SESTD1: variants seen among roughly 807,000 people sequenced by gnomAD.
SESTD1 encodes SEC14 and spectrin domain containing 1.
SESTD1 carries 43 observed loss-of-function variants against 101.7 expected under a neutral mutation model. That is an observed-to-expected ratio of 0.42 (90% CI 0.33 to 0.55). The LOEUF is 0.55. Ranked by LOEUF, SESTD1 falls within the 20% of genes least tolerant of loss-of-function variation. SESTD1 has a pLI of 0.07. For synonymous variants in SESTD1, 283 were observed against 286.8 expected (o/e 0.99, Z 0.13); for missense variants, 647 against 815.1 (o/e 0.79, Z 2.51).
At chr2:179,209,877 G>A (rs1339365428) in intron 1 of SESTD1, among the ~76,000 whole-genome samples, 2 of 132,810 alleles carry the variant, frequency 1.5e-5, no homozygotes, top group East Asian at 4.0e-4. Flanking sequence ...AGAACTAAAT[G>A]AAACTGAAAC....
rs547559501 is a variant in SESTD1, at chr2:179,215,500, A to G, written c.-25-23634T>C. Among the ~76,000 whole-genome samples the G allele has an allele frequency of 9.8e-4, 131 of 133,396 alleles. 23 individuals are homozygous for G. In the Middle Eastern group the frequency reaches 0.013, roughly 13 times the overall value. The allele number at this position is 133,396 out of a possible 152,430, so 87.5% of individuals were successfully genotyped here. ...CTCTGAAATTGAGGCAATAATTAATACCCTACCAACCAAAAAAAAGTCCAG... is the reference window on the plus strand; with the variant it reads ...CTCTGAAATTGAGGCAATAATTAATGCCCTACCAACCAAAAAAAAGTCCAG... On this transcript the variant is annotated intron_variant, in intron 1 of 17. Transcript: ENST00000428443.
chr2:179,263,590 G>A (rs184717600), intron 1 of SESTD1, among the ~76,000 whole-genome samples: 1 of 152,202 alleles, frequency 6.6e-6, no homozygotes, highest in Admixed American at 6.5e-5. Context: ...TCAAACAGCT[G>A]CTATCTAGTT....
Position 179,101,921 on chromosome 2 carries a change from C to T in SESTD1, c.*7978G>A, listed in dbSNP as rs2044282766. 6.6e-6 allele frequency: 1 copy of T among 152,122 alleles called. No individual in the cohort carries two copies. Among genetic ancestry groups the T allele is most frequent in the African/African-American group, 2.4e-5 (1 of 41,442 alleles). 9.4% of individuals were successfully genotyped at this position (152,122 alleles called of 1,614,324 possible). A position where few individuals can be genotyped will look rare whatever the true frequency, so the allele number is the denominator to read the frequency against. On this transcript the variant is annotated 3_prime_UTR_variant, in exon 18 of 18. Transcript: ENST00000428443. The stretch of plus-strand genomic sequence containing the variant: ...CTCAAATGTACTTAACTTCATTGGA[C>T]AAGGTATAAGGCTTGCCAATTTCCA...
At chr2:179,251,612 T>C (rs542108929) in intron 1 of SESTD1, among the ~76,000 whole-genome samples, 6 of 152,312 alleles carry the variant, frequency 3.9e-5, no homozygotes, top group South Asian at 4.1e-4. Context: ...ATAGACTGAA[T>C]GTTTGTGTCC....
chr2:179,150,127 A>G (rs985144245), intron 6 of SESTD1, among the ~76,000 whole-genome samples: 1 of 152,154 alleles, frequency 6.6e-6, no homozygotes, highest in African/African-American at 2.4e-5. Context: ...TGAGAGGCTG[A>G]GGTGGAAGGA....
chr2:179,192,411 C>A (rs531051480), intron 1 of SESTD1, among the ~76,000 whole-genome samples: 1 of 152,226 alleles, frequency 6.6e-6, no homozygotes, highest in Non-Finnish European at 1.5e-5. Context: ...ACATCTTATC[C>A]TGTTTATCTC....
rs1284781947 is a variant in SESTD1, at chr2:179,160,064, C to T, written c.370-8673G>A. Among the ~76,000 whole-genome samples the T allele has an allele frequency of 2.0e-5, 3 of 152,192 alleles. No individual in the cohort carries two copies. In the East Asian group the frequency reaches 5.8e-4, roughly 29 times the overall value. ...TAAAGATGAGGTTTCACCATTTTGG[C>T]CAGGCTGGTCTTGAACTCCTGACTT... is the stretch of plus-strand genomic sequence containing the variant. On this transcript the variant is annotated intron_variant, in intron 5 of 17. Transcript: ENST00000428443.
chr2:179,112,780 T>C lies in SESTD1; in HGVS notation c.1905A>G (p.Glu635=). 1 of 1,613,290 alleles carries C rather than the reference T, an allele frequency of 6.2e-7. No individual in the cohort carries two copies. Among genetic ancestry groups the C allele is most frequent in the Non-Finnish European group, 8.5e-7 (1 of 1,179,970 alleles). Residue 635 remains glutamate, a synonymous_variant, in exon 17 of 18, where the codon GAA becomes GAG. Transcript: ENST00000428443. The part of the protein sequence containing the change: ...INDEEQFDEI[E]AVGKSLLDRL... ...TATCCAAAAGTGATTTCCCAACTGCTTCAATTTCATCAAATTGCTCCTCAT... is the reference window on the plus strand; with the variant it reads ...TATCCAAAAGTGATTTCCCAACTGCCTCAATTTCATCAAATTGCTCCTCAT...
intron 1 of SESTD1, among the ~76,000 whole-genome samples, chr2:179,197,201 G>T (rs1220187578): frequency 6.6e-6 from 1 of 152,092 alleles, no homozygotes; most frequent in Non-Finnish European, 1.5e-5. Context: ...CTGGAAGAAA[G>T]GGTATCAGCT....
At chr2:179,122,639 C>T (rs2044778474) in intron 12 of SESTD1, among the ~76,000 whole-genome samples, 1 of 152,190 alleles carries the variant, frequency 6.6e-6, no homozygotes, top group African/African-American at 2.4e-5. Flanking sequence ...CCTGTAATCC[C>T]AGCACTTTGG....
At position 179,231,259 on chromosome 2, in the gene SESTD1, G is replaced by A. The variant is rs565907549; in HGVS notation, c.-26+33240C>T. 9.6e-4 allele frequency among the ~76,000 whole-genome samples: 146 copies of A among 152,158 alleles called. 1 individual carries two copies. Among genetic ancestry groups the A allele is most frequent in the African/African-American group, 3.2e-3 (133 of 41,542 alleles). On this transcript the variant is annotated intron_variant, in intron 1 of 17. Coordinates refer to ENST00000428443, the MANE Select transcript of SESTD1 (RefSeq NM_178123.5). ...TTAATATATTTAATTGTAGATCTAA[G>A]AGCAAAACGAAGTTGCAGTTAAGGA...
rs1401754938 is a variant in SESTD1 at position 179,239,668 on chromosome 2, G to A, written c.-26+24831C>T. Among the ~76,000 whole-genome samples, 5 of 152,232 alleles carry A rather than the reference G, an allele frequency of 3.3e-5. No homozygotes were observed. The East Asian group carries it at 9.6e-4, about 29-fold the overall frequency. On this transcript the variant is annotated intron_variant, in intron 1 of 17. Transcript: ENST00000428443. The stretch of plus-strand genomic sequence containing the variant: ...CCAGGTAAACAACATATGCAGCTAG[G>A]ATTCAAAACCACTGGCCAAGTCTTT...
intron 5 of SESTD1, among the ~76,000 whole-genome samples, chr2:179,167,339 G>C (rs2045852807): frequency 6.6e-6 from 1 of 152,026 alleles, no homozygotes; most frequent in African/African-American, 2.4e-5. Context: ...GAAACACAAA[G>C]AGAAAGACAC....
At chr2:179,251,273 A>T (rs1314508445) in intron 1 of SESTD1, among the ~76,000 whole-genome samples, 1 of 152,228 alleles carries the variant, frequency 6.6e-6, no homozygotes, top group Non-Finnish European at 1.5e-5. Context: ...GCAGTGGGTG[A>T]GAAGGAACTG....
intron 12 of SESTD1, among the ~76,000 whole-genome samples, chr2:179,122,771 C>T (rs2044783116): frequency 1.3e-5 from 2 of 152,116 alleles, no homozygotes; most frequent in Admixed American, 1.3e-4. Flanking sequence ...TGGCAGGTGC[C>T]TGTAATCCCA....
intron 15 of SESTD1, 117 bp downstream of exon 15, chr2:179,116,551 A>G (rs1328887465): frequency 6.6e-7 from 1 of 1,515,806 alleles, no homozygotes; most frequent in Admixed American, 1.7e-5. Context: ...ATTCTGTGAC[A>G]CTTCTGGAAT....
In SESTD1 at chr2:179,145,039, G is replaced by C. The variant is rs377754676; in HGVS notation, c.638-1236C>G. ...AAATAAGCTGTATATCATACTGGAA[G>C]AACTTAGGACACCTGAATCAATACA... On this transcript the variant is annotated intron_variant, in intron 8 of 17. Transcript: ENST00000428443. 8.5e-5 allele frequency among the ~76,000 whole-genome samples: 13 copies of C among 152,096 alleles called. No individual in the cohort carries two copies. In the South Asian group the frequency reaches 1.9e-3, roughly 22 times the overall value.
intron 5 of SESTD1, among the ~76,000 whole-genome samples, chr2:179,156,869 T>G (rs977229207): frequency 1.3e-5 from 2 of 152,250 alleles, no homozygotes; most frequent in African/African-American, 4.8e-5. Flanking sequence ...CATTTGCTTT[T>G]GGATTCTTGG....
At chr2:179,195,144 G>A (rs553021725) in intron 1 of SESTD1, among the ~76,000 whole-genome samples, 6 of 152,320 alleles carry the variant, frequency 3.9e-5, no homozygotes, top group African/African-American at 9.6e-5. Flanking sequence ...ACAGGCCACC[G>A]GATATGGTTT....
Sources: gnomAD v4.1 joint callset for allele counts (sites outside exome capture counted in the v4.1 genomes callset) on GRCh38, gnomAD v4.1.1 for gene constraint, MANE v1.5 for transcripts, NCBI Gene and HGNC (gene_info 2026-07-23, HGNC 2026-07-21) for gene names.